Variants in LEPR observed in about 807,000 individuals in gnomAD.
LEPR encodes leptin receptor.
LEPR carries 56 observed loss-of-function variants against 114.7 expected under a neutral mutation model. That is an observed-to-expected ratio of 0.49 (90% CI 0.39 to 0.61). The LOEUF (loss-of-function observed/expected upper bound fraction) is 0.61, where lower values mean the gene tolerates loss of function less well. Ranked by LOEUF, LEPR falls within the 20% of genes least tolerant of loss-of-function variation. The pLI is 0.00. For synonymous variants in LEPR, 443 were observed against 461.4 expected (o/e 0.96, Z 0.51); for missense variants, 1,202 against 1,352.9 (o/e 0.89, Z 1.75).
At chr1:65,549,716 A>T (rs1446593468) in intron 2 of LEPR, among the ~76,000 whole-genome samples, 1 of 152,042 alleles carries the variant, frequency 6.6e-6, no homozygotes, top group African/African-American at 2.4e-5. Context: ...ACATTTGTCT[A>T]AATTTTTTTC....
chr1:65,575,201 C>T (rs1001525354), intron 5 of LEPR, among the ~76,000 whole-genome samples: 2 of 152,088 alleles, frequency 1.3e-5, no homozygotes, highest in African/African-American at 4.8e-5. Flanking sequence ...TTTCTAGCTC[C>T]CCCACAGGTA....
chr1:65,549,425 C>G (rs991332125), intron 2 of LEPR, among the ~76,000 whole-genome samples: 1 of 152,166 alleles, frequency 6.6e-6, no homozygotes, highest in Non-Finnish European at 1.5e-5. Context: ...GTTCCATTCT[C>G]CAAGTTGGTC....
At chr1:65,565,704 A>G (rs1433279608) in intron 3 of LEPR, 99 bp downstream of exon 3, 5 of 1,419,106 alleles carry the variant, frequency 3.5e-6, no homozygotes, top group Non-Finnish European at 4.0e-6. Context: ...AGAATTTCCT[A>G]TTTCTAGTTA....
intron 2 of LEPR, chr1:65,429,778 A>G (rs1331108373): frequency 4.3e-6 from 5 of 1,157,624 alleles, no homozygotes; most frequent in Middle Eastern, 3.2e-4. Flanking sequence ...TAAAATAGCA[A>G]TGATTTTGAA....
At chr1:65,432,730 T>C in intron 2 of LEPR, 3 of 734,178 alleles carry the variant, frequency 4.1e-6, no homozygotes, top group Non-Finnish European at 5.0e-6. Flanking sequence ...TGTGATTTTT[T>C]TTTAAAGATC....
At chr1:65,623,145 G>C in intron 19 of LEPR, 164 bp downstream of exon 19, 1 of 725,612 alleles carries the variant, frequency 1.4e-6, no homozygotes, top group East Asian at 2.8e-5. Flanking sequence ...CAGGATGCAG[G>C]GATTTGAAAT....
intron 2 of LEPR, among the ~76,000 whole-genome samples, chr1:65,507,525 A>G (rs1306867909): frequency 1.9e-5 from 2 of 107,432 alleles, no homozygotes; most frequent in Admixed American, 1.1e-4. Context: ...ATATATGTGT[A>G]TATATATGTG....
chr1:65,623,176 C>T (rs1047995369), intron 19 of LEPR, 195 bp downstream of exon 19: 7 of 592,950 alleles, frequency 1.2e-5, no homozygotes, highest in Non-Finnish European at 2.0e-5. Flanking sequence ...CAAATTTCAG[C>T]GCATAGTTTA....
At chr1:65,487,481 C>CAT (rs1359823694) in intron 2 of LEPR, among the ~76,000 whole-genome samples, 1 of 151,760 alleles carries the variant, frequency 6.6e-6, no homozygotes, top group African/African-American at 2.4e-5. Context: ...TTTATATATA[C>CAT]ATTTATATGC....
chr1:65,521,870 C>T (rs993655484), intron 2 of LEPR, among the ~76,000 whole-genome samples: 7 of 151,994 alleles, frequency 4.6e-5, no homozygotes, highest in East Asian at 1.9e-4. Flanking sequence ...GAGGTTGAGG[C>T]GGGCGGATCA....
intron 2 of LEPR, among the ~76,000 whole-genome samples, chr1:65,547,263 A>T (rs1447187802): frequency 6.6e-6 from 1 of 152,126 alleles, no homozygotes; most frequent in African/African-American, 2.4e-5. Flanking sequence ...TTGGTCTAAA[A>T]TTCTCTTTTT....
intron 19 of LEPR, among the ~76,000 whole-genome samples, chr1:65,628,700 A>T (rs1017284845): frequency 3.3e-5 from 5 of 152,048 alleles, no homozygotes; most frequent in African/African-American, 9.7e-5. Context: ...CTACTGGTGG[A>T]TGTTTAAGGT....
intron 10 of LEPR, among the ~76,000 whole-genome samples, chr1:65,603,520 T>C (rs1205042195): frequency 1.3e-5 from 2 of 152,224 alleles, no homozygotes; most frequent in African/African-American, 4.8e-5. Context: ...TATTTAAATA[T>C]AGTATTCAGA....
At chr1:65,437,234 T>C (rs1325575327) in intron 2 of LEPR, among the ~76,000 whole-genome samples, 3 of 152,176 alleles carry the variant, frequency 2.0e-5, no homozygotes, top group African/African-American at 7.2e-5. Flanking sequence ...GAACTGACAG[T>C]TGCTCAGCTC....
intron 2 of LEPR, among the ~76,000 whole-genome samples, chr1:65,462,227 C>T (rs1404875619): frequency 6.6e-6 from 1 of 152,180 alleles, no homozygotes; most frequent in Non-Finnish European, 1.5e-5. Flanking sequence ...CAACTCCCAC[C>T]TATGAGTGAG....
rs758669248 is a variant in LEPR at position 65,598,611 on chromosome 1, G to A, written c.850-49G>A. On this transcript the variant is annotated intron_variant, in intron 7 of 19. Transcript: ENST00000349533. The stretch of plus-strand genomic sequence containing the variant: ...TTAGCTTATCCTCACTTTTAGTAAA[G>A]GTTCCACATCAACTTGATGTTCTGA... 1.4e-4 allele frequency: 222 copies of A among 1,608,336 alleles called. 2 individuals are homozygous for A. Among genetic ancestry groups the A allele is most frequent in the East Asian group, 4.5e-5 (2 of 44,696 alleles).
chr1:65,473,073 A>G (rs1684693565), intron 2 of LEPR, among the ~76,000 whole-genome samples: 1 of 152,180 alleles, frequency 6.6e-6, no homozygotes, highest in African/African-American at 2.4e-5. Flanking sequence ...GGTAAAGTCC[A>G]TTGTTCTTTA....
At chr1:65,443,042 G>GCCAA (rs1249954849) in intron 2 of LEPR, among the ~76,000 whole-genome samples, 1 of 152,176 alleles carries the variant, frequency 6.6e-6, no homozygotes, top group African/African-American at 2.4e-5. Flanking sequence ...TGGCTGATAT[G>GCCAA]CCAACTCTTA....
intron 2 of LEPR, chr1:65,525,693 T>C: frequency 1.0e-6 from 1 of 985,504 alleles, no homozygotes; most frequent in Non-Finnish European, 1.2e-6. Flanking sequence ...CCCCGCACCT[T>C]GGGCGAGGAG....
Sources: gnomAD v4.1 joint callset for allele counts (sites outside exome capture counted in the v4.1 genomes callset) on GRCh38, gnomAD v4.1.1 for gene constraint, MANE v1.5 for transcripts, NCBI Gene and HGNC (gene_info 2026-07-23, HGNC 2026-07-21) for gene names.